Variants in FEZ1 observed in about 807,000 individuals in gnomAD.
FEZ1 encodes fasciculation and elongation protein zeta-1.
FEZ1 carries 20 observed loss-of-function variants against 49.3 expected under a neutral mutation model. The ratio of observed to expected loss-of-function variants is 0.41; its 90% confidence interval spans 0.29 to 0.59. FEZ1 has a LOEUF of 0.59. Ranked by LOEUF, FEZ1 falls within the 20% of genes least tolerant of loss-of-function variation. The pLI, the probability that FEZ1 is intolerant of heterozygous loss-of-function variation, is 0.36. For synonymous variants in FEZ1, 170 were observed against 180.9 expected (o/e 0.94, Z 0.48); for missense variants, 413 against 476.0 (o/e 0.87, Z 1.23).
chr11:125,495,680 G>A lies in FEZ1; in HGVS notation c.-46+441C>T, dbSNP rs990854505. On this transcript the variant is annotated intron_variant, in intron 1 of 9. Coordinates refer to ENST00000278919, the MANE Select transcript of FEZ1 (RefSeq NM_005103.5). This position sits in a 1 kb window ranked among gnomAD's most constrained non-coding sequence, Gnocchi z 4.2. ...GGTGACTGGACCAGATAACGGTCCC[G>A]GGACGAGGTACCGACCCACTGCCCC... 1 of 385,016 alleles carries A rather than the reference G, an allele frequency of 2.6e-6. No homozygotes were observed. The highest frequency in any genetic ancestry group is 5.3e-6 in the Non-Finnish European group (1 of 189,262). 23.8% of individuals were successfully genotyped at this position (385,016 alleles called of 1,614,324 possible).
chr11:125,475,305 C>CACACACACACAT (rs1481570008), intron 3 of FEZ1, among the ~76,000 whole-genome samples: 1 of 151,070 alleles, frequency 6.6e-6, no homozygotes, highest in Admixed American at 6.6e-5. Context: ...CACACACACA[C>CACACACACACAT]ACACACATTG....
chr11:125,490,556 G>C (rs1667165966), intron 1 of FEZ1, among the ~76,000 whole-genome samples: 1 of 152,022 alleles, frequency 6.6e-6, no homozygotes. Context: ...TCAATAAATA[G>C]TAGAAACTAA....
chr11:125,474,920 T>C, intron 3 of FEZ1, among the ~76,000 whole-genome samples: 1 of 151,554 alleles, frequency 6.6e-6, no homozygotes, highest in Non-Finnish European at 1.5e-5. Context: ...AACTCAATAC[T>C]AAGAACACAA....
At chr11:125,461,576 C>T (rs1957075360) in intron 4 of FEZ1, among the ~76,000 whole-genome samples, 1 of 152,104 alleles carries the variant, frequency 6.6e-6, no homozygotes, top group African/African-American at 2.4e-5. Flanking sequence ...CACTGGACTC[C>T]AGCCTGGGCA....
intron 5 of FEZ1, among the ~76,000 whole-genome samples, chr11:125,457,443 T>TATACAC (rs1565533481): frequency 1.2e-3 from 88 of 74,054 alleles, no homozygotes; most frequent in Middle Eastern, 7.5e-3. Context: ...TATATATATA[T>TATACAC]ATATATATGT....
chr11:125,474,986 C>T (rs774897649), intron 3 of FEZ1, among the ~76,000 whole-genome samples: 2 of 150,324 alleles, frequency 1.3e-5, no homozygotes, highest in East Asian at 2.0e-4. Context: ...CCAAAGAAAA[C>T]ATACAGGCCG....
chr11:125,495,437 C>T lies in FEZ1; in HGVS notation c.-46+684G>A, dbSNP rs866175087. ...TCCCCGCATTCCAGAGCCCGGGGCCCACCCGACGGCAGCGCGCCCCGCCAC... is the reference window on the plus strand; with the variant it reads ...TCCCCGCATTCCAGAGCCCGGGGCCTACCCGACGGCAGCGCGCCCCGCCAC... On this transcript the variant is annotated intron_variant, in intron 1 of 9. Transcript: ENST00000278919. The surrounding 1 kb of genome is among the most constrained non-coding windows in gnomAD (Gnocchi z 4.2). The T allele has an allele frequency of 1.5e-5, 7 of 470,314 alleles. 1 individual carries two copies. The Middle Eastern group carries it at 9.8e-4, about 66-fold the overall frequency. 29.1% of individuals were successfully genotyped at this position (470,314 alleles called of 1,614,324 possible).
At chr11:125,473,593 T>C (rs1225562433) in intron 3 of FEZ1, among the ~76,000 whole-genome samples, 1 of 151,744 alleles carries the variant, frequency 6.6e-6, no homozygotes, top group East Asian at 1.9e-4. Flanking sequence ...CCAAGACGGG[T>C]GGATCACTTG....
rs930405274 is a variant in FEZ1 at position 125,444,302 on chromosome 11, C to T, written c.*1793G>A. Among the ~76,000 whole-genome samples, 7 of 152,060 alleles carry T rather than the reference C, an allele frequency of 4.6e-5. No homozygotes were observed. The highest frequency in any genetic ancestry group is 1.7e-4 in the African/African-American group (7 of 41,418). On this transcript the variant is annotated 3_prime_UTR_variant, in exon 10 of 10. Coordinates refer to ENST00000278919, the MANE Select transcript of FEZ1 (RefSeq NM_005103.5). ...GTTCTGCTTCTGGAAAAGCAGAAGC[C>T]GAGCTAGGCGCGGTGACTCACGCCT...
At chr11:125,481,894 A>G in intron 2 of FEZ1, 1 of 499,870 alleles carries the variant, frequency 2.0e-6, no homozygotes, top group African/African-American at 1.9e-5. Flanking sequence ...ATTGAGATAC[A>G]AATGGCAGCA....
chr11:125,474,332 C>A (rs1327684397), intron 3 of FEZ1, among the ~76,000 whole-genome samples: 1 of 151,516 alleles, frequency 6.6e-6, no homozygotes, highest in African/African-American at 2.4e-5. Flanking sequence ...GCTACCACGC[C>A]CGGCCTAATT....
At chr11:125,492,745 C>T (rs1176580955) in intron 1 of FEZ1, among the ~76,000 whole-genome samples, 2 of 152,130 alleles carry the variant, frequency 1.3e-5, no homozygotes, top group African/African-American at 4.8e-5. Flanking sequence ...TAAATGAGAT[C>T]ATCTTTGAAG....
rs1468930432 is a variant in FEZ1, at chr11:125,448,581, C to G, written c.1097-14G>C. The G allele has an allele frequency of 6.3e-7, 1 of 1,582,650 alleles. No individual in the cohort carries two copies. Among genetic ancestry groups the G allele is most frequent in the Non-Finnish European group, 8.7e-7 (1 of 1,151,616 alleles). On this transcript the variant is annotated splice_polypyrimidine_tract_variant and intron_variant, in intron 8 of 9. Transcript: ENST00000278919. ...TGGCAAAGAGAACTAGGAAAGGAGA[C>G]AGAGAGAGGAACTAAGATACCATCT...
intron 8 of FEZ1, among the ~76,000 whole-genome samples, chr11:125,449,354 G>T (rs1040711012): frequency 4.0e-5 from 5 of 124,810 alleles, no homozygotes; most frequent in Non-Finnish European, 7.9e-5. Flanking sequence ...GCAACAGAGT[G>T]AGACTCTGTC....
intron 8 of FEZ1, among the ~76,000 whole-genome samples, chr11:125,449,417 T>TTAA (rs1555177849): frequency 3.7e-5 from 1 of 27,006 alleles, no homozygotes; most frequent in Non-Finnish European, 6.1e-5. Context: ...TTTGTCTCTA[T>TTAA]AAAAAAAAAA....
Position 125,454,141 on chromosome 11 carries a change from T to C in FEZ1, c.1009A>G (p.Thr337Ala). The C allele has an allele frequency of 6.2e-7, 1 of 1,613,302 alleles. No homozygotes were observed. The highest frequency in any genetic ancestry group is 1.7e-5 in the Admixed American group (1 of 59,936). ...GIRQTFGSSGTDKQYLNTVIP... is the reference protein window; with the variant it reads ...GIRQTFGSSGADKQYLNTVIP... ...GAGACTACGCGTACCTGTTTGTCAGTTCCTGAGGAGCCAAAGGTCTGGCGG... is the reference window on the plus strand; with the variant it reads ...GAGACTACGCGTACCTGTTTGTCAGCTCCTGAGGAGCCAAAGGTCTGGCGG... The change falls in exon 7 of 10, where the codon ACT becomes GCT. Residue 337 changes from threonine (T) to alanine (A), a missense_variant. Coordinates refer to ENST00000278919, the MANE Select transcript of FEZ1 (RefSeq NM_005103.5).
intron 5 of FEZ1, among the ~76,000 whole-genome samples, chr11:125,457,075 C>T (rs541221178): frequency 3.3e-5 from 5 of 151,594 alleles, no homozygotes; most frequent in Admixed American, 6.6e-5. Flanking sequence ...TCCAGCTATT[C>T]GGCAGAGTGA....
At chr11:125,465,433 A>G (rs1957118571) in intron 3 of FEZ1, among the ~76,000 whole-genome samples, 1 of 152,130 alleles carries the variant, frequency 6.6e-6, no homozygotes, top group Non-Finnish European at 1.5e-5. Flanking sequence ...AAATGCTAAT[A>G]AGCCTGGGCT....
chr11:125,488,825 G>A (rs1416212327), intron 2 of FEZ1: 2 of 985,118 alleles, frequency 2.0e-6, no homozygotes, highest in Non-Finnish European at 2.4e-6. Flanking sequence ...TCCTGAAAGA[G>A]TACTTTTCTC....
Sources: gnomAD v4.1 joint callset for allele counts (sites outside exome capture counted in the v4.1 genomes callset) on GRCh38, gnomAD v4.1.1 for gene constraint, Gnocchi (gnomAD v3.1) non-coding constraint, MANE v1.5 for transcripts, NCBI Gene and HGNC (gene_info 2026-07-23, HGNC 2026-07-21) for gene names.